The following PTPRT variants were observed in gnomAD, a reference collection of about 807,000 sequenced individuals.
PTPRT encodes the protein protein tyrosine phosphatase receptor type T, also known as receptor-type tyrosine-protein phosphatase T.
In PTPRT, 56 loss-of-function variants were observed where a neutral mutation model predicts 176.8. That is an observed-to-expected ratio of 0.32 (90% CI 0.26 to 0.40). The LOEUF (loss-of-function observed/expected upper bound fraction) is 0.40. PTPRT is among the 10% of genes least tolerant of loss of function. PTPRT has a pLI of 1.00. For synonymous variants in PTPRT, 783 were observed against 739.0 expected (o/e 1.06, Z -0.96); for missense variants, 1,540 against 1,908.2 (o/e 0.81, Z 3.60).
intron 13 of PTPRT, among the ~76,000 whole-genome samples, chr20:42,254,944 G>C (rs1020855432): frequency 6.6e-6 from 1 of 152,236 alleles, no homozygotes; most frequent in African/African-American, 2.4e-5. Context: ...CTCTTGGTGA[G>C]AGAAATTATC....
intron 7 of PTPRT, among the ~76,000 whole-genome samples, chr20:42,534,062 C>T (rs1261793038): frequency 6.6e-6 from 1 of 152,090 alleles, no homozygotes; most frequent in Non-Finnish European, 1.5e-5. Context: ...GGAGGCAGGT[C>T]GGGAGAAGGT....
chr20:42,863,641 T>C (rs2078698164), intron 2 of PTPRT, among the ~76,000 whole-genome samples: 1 of 152,214 alleles, frequency 6.6e-6, no homozygotes, highest in African/African-American at 2.4e-5. Context: ...GACATGTCAG[T>C]GGTCGTGAGC....
At chr20:42,270,488 C>T in intron 13 of PTPRT, 2 of 1,546,362 alleles carry the variant, frequency 1.3e-6, no homozygotes, top group East Asian at 2.4e-5. Context: ...AGGCAGCATG[C>T]AGAAGAGAAG....
intron 11 of PTPRT, among the ~76,000 whole-genome samples, chr20:42,348,085 T>C (rs1329974761): frequency 6.6e-6 from 1 of 152,216 alleles, no homozygotes; most frequent in Non-Finnish European, 1.5e-5. Context: ...AGTGGTCAAC[T>C]ACCTCTCATA....
At chr20:42,155,737 T>C (rs1234626632) in intron 17 of PTPRT, among the ~76,000 whole-genome samples, 1 of 152,168 alleles carries the variant, frequency 6.6e-6, no homozygotes, top group Non-Finnish European at 1.5e-5. Flanking sequence ...TGGCTCTACA[T>C]GCAGAAAAAG....
chr20:42,380,541 T>C (rs113710816), intron 9 of PTPRT, among the ~76,000 whole-genome samples: 13 of 152,248 alleles, frequency 8.5e-5, no homozygotes, highest in African/African-American at 1.7e-4. Flanking sequence ...CTCCCAGACA[T>C]TGGGCCCCAA....
intron 1 of PTPRT, among the ~76,000 whole-genome samples, chr20:43,076,608 G>A (rs919258338): frequency 3.3e-5 from 5 of 152,154 alleles, no homozygotes; most frequent in Admixed American, 2.0e-4. Flanking sequence ...TCTCAACTCC[G>A]GAACTCAGAG....
chr20:42,793,259 G>A (rs1569160352), intron 2 of PTPRT, among the ~76,000 whole-genome samples: 3 of 152,102 alleles, frequency 2.0e-5, no homozygotes, highest in African/African-American at 7.2e-5. Flanking sequence ...GCAGAGTCCG[G>A]GCTTTTAGTT....
chr20:42,862,822 C>T (rs1483903697), intron 2 of PTPRT, among the ~76,000 whole-genome samples: 2 of 152,172 alleles, frequency 1.3e-5, no homozygotes, highest in Non-Finnish European at 1.5e-5. Flanking sequence ...AATCCACCCT[C>T]TTAGGGACTG....
At chr20:43,083,370 A>G (rs2011518155) in intron 1 of PTPRT, among the ~76,000 whole-genome samples, 2 of 103,612 alleles carry the variant, frequency 1.9e-5, no homozygotes, top group Admixed American at 2.3e-4. Flanking sequence ...ATATATATAT[A>G]CATTTTTTGA....
intron 1 of PTPRT, among the ~76,000 whole-genome samples, chr20:42,959,455 G>A (rs1003448575): frequency 3.3e-5 from 5 of 152,152 alleles, no homozygotes; most frequent in African/African-American, 1.2e-4. Flanking sequence ...ACTGAGACCC[G>A]TACTTCGGAT....
At chr20:42,476,629 GT>G (rs2071294383) in intron 7 of PTPRT, among the ~76,000 whole-genome samples, 1 of 152,232 alleles carries the variant, frequency 6.6e-6, no homozygotes, top group African/African-American at 2.4e-5. Context: ...GGAAATCTCA[GT>G]TTGTATTCCA....
chr20:42,311,789 A>T (rs1050103689), intron 12 of PTPRT, among the ~76,000 whole-genome samples: 37 of 150,306 alleles, frequency 2.5e-4, no homozygotes, highest in African/African-American at 8.8e-4. Context: ...TATTTTCTTC[A>T]TTTTTCTTCG....
Position 42,276,496 on chromosome 20 carries a change from A to AATATAT in PTPRT, c.2176+5987_2176+5992dup, listed in dbSNP as rs61484693. ...TCAGAAAGGAAGAGAGAAAGAAGGAAATATATATATATATATATATATATA... is the reference window on the plus strand; with the variant it reads ...TCAGAAAGGAAGAGAGAAAGAAGGAAATATATATATATATATATATATATATATATA... On this transcript the variant is annotated intron_variant, in intron 13 of 30. Coordinates refer to ENST00000373187, the MANE Select transcript of PTPRT (RefSeq NM_007050.6). Among the ~76,000 whole-genome samples the AATATAT allele has an allele frequency of 2.3e-3, 101 of 44,080 alleles. 5 individuals are homozygous for AATATAT. Among genetic ancestry groups the AATATAT allele is most frequent in the Non-Finnish European group, 3.1e-3 (65 of 21,104 alleles). 28.9% of individuals were successfully genotyped at this position (44,080 alleles called of 152,430 possible).
chr20:42,920,920 C>T (rs1402800205), intron 1 of PTPRT, among the ~76,000 whole-genome samples: 1 of 152,172 alleles, frequency 6.6e-6, no homozygotes, highest in Non-Finnish European at 1.5e-5. Flanking sequence ...CAGACATTTT[C>T]TTCATCCCCT....
At chr20:43,036,906 GAATT>G (rs772666243) in intron 1 of PTPRT, among the ~76,000 whole-genome samples, 19 of 152,146 alleles carry the variant, frequency 1.2e-4, no homozygotes, top group Non-Finnish European at 2.4e-4. Flanking sequence ...GCAGGAAAAT[GAATT>G]AATAAACTGA....
At chr20:42,108,708 G>A (rs964007205) in intron 23 of PTPRT, among the ~76,000 whole-genome samples, 1 of 152,110 alleles carries the variant, frequency 6.6e-6, no homozygotes, top group Admixed American at 6.6e-5. Flanking sequence ...TGGGGAGGGG[G>A]AGAAAGAAAA....
At chr20:42,070,881 A>T (rs534191061), downstream of PTPRT, among the ~76,000 whole-genome samples, 15 of 152,132 alleles carry the variant, frequency 9.9e-5, no homozygotes, top group African/African-American at 2.9e-4. Flanking sequence ...ATTTTTTTTT[A>T]AAGTGGGAGT....
chr20:42,751,471 G>A (rs552765982), intron 6 of PTPRT, among the ~76,000 whole-genome samples: 1 of 152,192 alleles, frequency 6.6e-6, no homozygotes, highest in African/African-American at 2.4e-5. Flanking sequence ...GTGTTAACTT[G>A]GTTGAAATGA....
Sources: gnomAD v4.1 joint callset for allele counts (sites outside exome capture counted in the v4.1 genomes callset) on GRCh38, gnomAD v4.1.1 for gene constraint, MANE v1.5 for transcripts, NCBI Gene and HGNC (gene_info 2026-07-23, HGNC 2026-07-21) for gene names.